Variants in ITGBL1 observed in about 807,000 individuals in gnomAD.
The protein encoded by ITGBL1 is integrin subunit beta like 1, also known as integrin beta-like protein 1.
ITGBL1 carries 51 observed loss-of-function variants against 68.5 expected under a neutral mutation model. The ratio of observed to expected loss-of-function variants is 0.74; its 90% CI spans 0.59 to 0.94. The LOEUF is 0.94. ITGBL1 is among the 40% of genes least tolerant of loss of function. The probability of loss-of-function intolerance (pLI) is 0.00; values close to 1 mark genes in which losing one functional copy is unlikely to be tolerated. For synonymous variants in ITGBL1, 209 were observed against 227.3 expected (o/e 0.92, Z 0.72); for missense variants, 649 against 647.4 (o/e 1.00, Z -0.03).
At chr13:101,500,040 C>T (rs1436320328) in intron 2 of ITGBL1, among the ~76,000 whole-genome samples, 1 of 152,188 alleles carries the variant, frequency 6.6e-6, no homozygotes, top group East Asian at 1.9e-4. Context: ...TTATCTTCCA[C>T]CATCAGTTTG....
At chr13:101,597,446 G>T (rs1277083233) in intron 6 of ITGBL1, among the ~76,000 whole-genome samples, 12 of 143,144 alleles carry the variant, frequency 8.4e-5, no homozygotes, top group Non-Finnish European at 4.5e-5. Flanking sequence ...AAAAAATCCT[G>T]CTTCAAAAAT....
chr13:101,658,203 T>A (rs530539041), intron 7 of ITGBL1, among the ~76,000 whole-genome samples: 1 of 152,352 alleles, frequency 6.6e-6, no homozygotes, highest in East Asian at 1.9e-4. Flanking sequence ...AACTGCAATT[T>A]AAGTCATGAA....
In ITGBL1 at chr13:101,645,624, T is replaced by C. The variant is rs1333433178; in HGVS notation, c.1016-46961T>C. On this transcript the variant is annotated intron_variant, in intron 7 of 10. Coordinates refer to ENST00000376180, the MANE Select transcript of ITGBL1 (RefSeq NM_004791.3). Reference sequence around the variant, plus strand: ...AATACCTTGAGGCATAGTTTGCAGGTTCTATGCAAAAGCCTTCTCTGGGGT... The same window carrying C: ...AATACCTTGAGGCATAGTTTGCAGGCTCTATGCAAAAGCCTTCTCTGGGGT... Among the ~76,000 whole-genome samples the C allele has an allele frequency of 3.3e-5, 5 of 152,266 alleles. No individual in the cohort carries two copies. In the East Asian group the frequency reaches 7.7e-4, roughly 24 times the overall value.
intron 2 of ITGBL1, among the ~76,000 whole-genome samples, chr13:101,518,392 ATC>A (rs1255473656): frequency 1.3e-5 from 2 of 152,174 alleles, no homozygotes; most frequent in Non-Finnish European, 2.9e-5. Context: ...AATCTAATTC[ATC>A]TCTGTTTTCC....
In ITGBL1 at chr13:101,508,882, T is replaced by A. The variant is rs549148136; in HGVS notation, c.316+54782T>A. Among the ~76,000 whole-genome samples the A allele has an allele frequency of 1.3e-3, 195 of 152,254 alleles. 1 individual carries two copies. The highest frequency in any genetic ancestry group is 2.2e-3 in the Non-Finnish European group (148 of 68,018). ...TAATAAACTGTATTTTAAGGTTTTT[T>A]AAAAAATTCTCTCCTTTCCCAAACT... On this transcript the variant is annotated intron_variant, in intron 2 of 10. Coordinates refer to ENST00000376180, the MANE Select transcript of ITGBL1 (RefSeq NM_004791.3).
chr13:101,621,649 G>A (rs2031588555), intron 7 of ITGBL1, among the ~76,000 whole-genome samples: 1 of 152,058 alleles, frequency 6.6e-6, no homozygotes, highest in Non-Finnish European at 1.5e-5. Flanking sequence ...CTCTTCTGAA[G>A]ACTTTGGAGA....
chr13:101,608,524 T>C (rs571369603), intron 7 of ITGBL1, among the ~76,000 whole-genome samples: 98 of 152,160 alleles, frequency 6.4e-4, no homozygotes, highest in Non-Finnish European at 1.2e-3. Context: ...ACATTTTCAG[T>C]TAAGCAGCAT....
intron 2 of ITGBL1, among the ~76,000 whole-genome samples, chr13:101,483,330 T>C (rs1292133064): frequency 6.6e-6 from 1 of 152,200 alleles, no homozygotes; most frequent in East Asian, 1.9e-4. Flanking sequence ...ACTGTCAAGG[T>C]TGCAATTAAT....
intron 7 of ITGBL1, among the ~76,000 whole-genome samples, chr13:101,660,020 G>A (rs947584217): frequency 1.3e-5 from 2 of 152,214 alleles, no homozygotes; most frequent in South Asian, 4.2e-4. Flanking sequence ...GTTCTTCTGT[G>A]CATTGTAGGG....
chr13:101,579,178 G>A (rs1311142322), intron 4 of ITGBL1, 109 bp from the exon 5 acceptor site: 9 of 1,125,288 alleles, frequency 8.0e-6, no homozygotes, highest in Non-Finnish European at 1.2e-5. Flanking sequence ...GGAATGTGGA[G>A]CTGTGACAGT....
At chr13:101,616,621 G>A (rs1388571320) in intron 7 of ITGBL1, among the ~76,000 whole-genome samples, 2 of 152,102 alleles carry the variant, frequency 1.3e-5, no homozygotes, top group African/African-American at 4.8e-5. Context: ...CTCCTAAGTA[G>A]CTAGGATTAC....
rs1183478718 is a variant in ITGBL1 at position 101,646,445 on chromosome 13, T to C, written c.1016-46140T>C. Among the ~76,000 whole-genome samples, 5 of 152,200 alleles carry C rather than the reference T, an allele frequency of 3.3e-5. No individual in the cohort carries two copies. In the East Asian group the frequency reaches 9.6e-4, roughly 29 times the overall value. ...GTTAAAAAAAAGTAATTAAAATGTA[T>C]ATATAAAAGTTCCATTAATTTGGAA... On this transcript the variant is annotated intron_variant, in intron 7 of 10. Transcript: ENST00000376180.
intron 7 of ITGBL1, among the ~76,000 whole-genome samples, chr13:101,640,920 C>A (rs1254387800): frequency 6.6e-6 from 1 of 152,126 alleles, no homozygotes; most frequent in African/African-American, 2.4e-5. Context: ...TAATAAATAG[C>A]TGATGACTAA....
chr13:101,539,925 T>A (rs1566722426), intron 2 of ITGBL1, among the ~76,000 whole-genome samples: 3 of 152,228 alleles, frequency 2.0e-5, no homozygotes, highest in South Asian at 2.1e-4. Context: ...TAAATTTGTT[T>A]GAGTTCTTTG....
chr13:101,605,947 TATATACAC>T (rs1415443317), intron 7 of ITGBL1, among the ~76,000 whole-genome samples: 9 of 148,448 alleles, frequency 6.1e-5, no homozygotes, highest in African/African-American at 1.7e-4. Flanking sequence ...TGTATGTGTA[TATATACAC>T]ATATACACAT....
At chr13:101,598,354 T>G in intron 7 of ITGBL1, 55 bp downstream of exon 7, 1 of 1,322,668 alleles carries the variant, frequency 7.6e-7, no homozygotes. Flanking sequence ...TTCAAATGAA[T>G]TCAATGCACA....
At chr13:101,462,089 T>TAGAAGCTA (rs1469371284) in intron 2 of ITGBL1, among the ~76,000 whole-genome samples, 3 of 152,192 alleles carry the variant, frequency 2.0e-5, no homozygotes, top group Non-Finnish European at 4.4e-5. Context: ...TCTTGTCTTC[T>TAGAAGCTA]AGAAGCTACT....
At chr13:101,596,447 C>T (rs748777135) in intron 6 of ITGBL1, among the ~76,000 whole-genome samples, 5 of 149,092 alleles carry the variant, frequency 3.4e-5, no homozygotes, top group Non-Finnish European at 7.4e-5. Flanking sequence ...TAGACACACA[C>T]ACAAAGTTAA....
chr13:101,620,790 C>T (rs1212765112), intron 7 of ITGBL1, among the ~76,000 whole-genome samples: 3 of 152,168 alleles, frequency 2.0e-5, no homozygotes, highest in Non-Finnish European at 4.4e-5. Flanking sequence ...CGTATGTCAT[C>T]TATTGTCATG....
Sources: allele counts gnomAD v4.1 joint callset (sites outside exome capture counted in the v4.1 genomes callset), GRCh38; gene constraint gnomAD v4.1.1; transcripts MANE v1.5; gene names NCBI Gene and HGNC (gene_info 2026-07-23, HGNC 2026-07-21).